Variants in JAM2 observed in about 807,000 individuals in gnomAD.
The protein encoded by JAM2 is junctional adhesion molecule B.
A neutral mutation model predicts 42.0 loss-of-function variants in JAM2; 17 were observed. That is an observed-to-expected ratio of 0.40 (90% confidence interval 0.28 to 0.61). The LOEUF is 0.61. JAM2 is among the 20% of genes least tolerant of loss of function. The probability of loss-of-function intolerance (pLI) is 0.37; values close to 1 mark genes in which losing one functional copy is unlikely to be tolerated. For synonymous variants in JAM2, 118 were observed against 128.6 expected, an observed-to-expected ratio of 0.92 and a Z score of 0.56; for missense variants, 319 against 358.3, an observed-to-expected ratio of 0.89 and a Z score of 0.89.
At chr21:25,646,330 T>A (rs1199479208) in intron 1 of JAM2, among the ~76,000 whole-genome samples, 1 of 152,250 alleles carries the variant, frequency 6.6e-6, no homozygotes, top group Non-Finnish European at 1.5e-5. Context: ...TGTTTTCAAC[T>A]TTCTGTTCAG....
At chr21:25,696,117 A>G (rs1023124526) in intron 4 of JAM2, among the ~76,000 whole-genome samples, 1 of 152,226 alleles carries the variant, frequency 6.6e-6, no homozygotes, top group African/African-American at 2.4e-5. Context: ...TGAGTGAACG[A>G]GACTCCGTCT....
At position 25,698,898 on chromosome 21, in the gene JAM2, T is replaced by C. The variant is rs759084629; in HGVS notation, c.597+19T>C. The C allele has an allele frequency of 8.8e-6, 14 of 1,598,080 alleles. No homozygotes were observed. The highest frequency in any genetic ancestry group is 1.2e-5 in the Non-Finnish European group (14 of 1,165,964). The stretch of plus-strand genomic sequence containing the variant: ...AACTCTGGTAAGGTCATTTCAAGAT[T>C]TGACTTGATAACTGTCTTGCATTTG... On this transcript the variant is annotated intron_variant, in intron 5 of 9. Coordinates refer to ENST00000480456, the MANE Select transcript of JAM2 (RefSeq NM_021219.4).
rs59490509 is a variant in JAM2, at chr21:25,699,722, CAAAAAAAAAAAAA to C, written c.597+864_597+876del. Among the ~76,000 whole-genome samples the C allele has an allele frequency of 2.1e-4, 9 of 41,944 alleles. No homozygotes were observed. In the East Asian group the frequency reaches 5.4e-3, roughly 25 times the overall value. The allele number at this position is 41,944 out of a possible 152,430, so 27.5% of individuals were successfully genotyped here. A position where few individuals can be genotyped will look rare whatever the true frequency, so the allele number is the denominator to read the frequency against. ...TGGGTGACAGAGCCAGGCTCCGTCT[CAAAAAAAAAAAAA>C]AAAAAAAAAAAAAAAAAAAATGCAT... On this transcript the variant is annotated intron_variant, in intron 5 of 9. Transcript: ENST00000480456.
chr21:25,709,454 G>C lies in JAM2; in HGVS notation c.821+5G>C, dbSNP rs568728398. 3 of 1,442,464 alleles carry C rather than the reference G, an allele frequency of 2.1e-6. No homozygotes were observed. Among genetic ancestry groups the C allele is most frequent in the Non-Finnish European group, 2.9e-6 (3 of 1,041,510 alleles). 89.4% of individuals were successfully genotyped at this position (1,442,464 alleles called of 1,614,324 possible). On this transcript the variant is annotated splice_donor_5th_base_variant and intron_variant, in intron 8 of 9. Transcript: ENST00000480456. ...TGTAGAAGAAACCTCCTTCCAGTAA[G>C]TATACTTTCCTACAATGCATGTCTT... is the stretch of plus-strand genomic sequence containing the variant.
Position 25,703,884 on chromosome 21 carries a change from G to C in JAM2, c.697+1615G>C, listed in dbSNP as rs1302636640. 5.3e-5 allele frequency among the ~76,000 whole-genome samples: 8 copies of C among 151,888 alleles called. No individual in the cohort carries two copies. The East Asian group carries it at 1.4e-3, about 26-fold the overall frequency. ...ACAGAAAATGGTGAACAGGATGTAAGAAGTTAACTTACTCCTTATCTATTA... is the reference window on the plus strand; with the variant it reads ...ACAGAAAATGGTGAACAGGATGTAACAAGTTAACTTACTCCTTATCTATTA... On this transcript the variant is annotated intron_variant, in intron 6 of 9. Transcript: ENST00000480456.
At chr21:25,693,727 C>A in intron 3 of JAM2, 29 bp from the exon 4 acceptor site, 1 of 1,587,468 alleles carries the variant, frequency 6.3e-7, no homozygotes, top group Non-Finnish European at 8.6e-7. Flanking sequence ...TGGATTATTA[C>A]TAACATCAAT....
chr21:25,673,751 TC>T (rs1282158748), intron 1 of JAM2, among the ~76,000 whole-genome samples: 1 of 152,174 alleles, frequency 6.6e-6, no homozygotes, highest in Non-Finnish European at 1.5e-5. Context: ...CACTGTGACC[TC>T]CAGCAACTTA....
intron 7 of JAM2, among the ~76,000 whole-genome samples, chr21:25,708,706 T>C (rs1160679541): frequency 6.6e-6 from 1 of 152,162 alleles, no homozygotes; most frequent in Non-Finnish European, 1.5e-5. Flanking sequence ...ACAAATAAGA[T>C]AACTCTTCCA....
intron 6 of JAM2, among the ~76,000 whole-genome samples, chr21:25,705,415 T>C (rs1158601893): frequency 6.6e-6 from 1 of 152,086 alleles, no homozygotes; most frequent in Non-Finnish European, 1.5e-5. Context: ...AATTTTTTTA[T>C]TTTTTAGAGA....
At chr21:25,685,154 T>G (rs578104321) in intron 2 of JAM2, among the ~76,000 whole-genome samples, 176 of 151,212 alleles carry the variant, frequency 1.2e-3, no homozygotes, top group Non-Finnish European at 1.8e-3. Context: ...AGGCCTGGAG[T>G]GGGGGGAATT....
intron 1 of JAM2, among the ~76,000 whole-genome samples, chr21:25,677,893 A>C (rs2033535874): frequency 6.6e-6 from 1 of 152,232 alleles, no homozygotes; most frequent in Non-Finnish European, 1.5e-5. Context: ...TATACTTTGA[A>C]AGTTTCACAG....
chr21:25,663,921 T>C (rs1219973408), intron 1 of JAM2, among the ~76,000 whole-genome samples: 1 of 152,236 alleles, frequency 6.6e-6, no homozygotes, highest in African/African-American at 2.4e-5. Flanking sequence ...CAGTCTCTTG[T>C]ATTCTTTGTT....
intron 1 of JAM2, among the ~76,000 whole-genome samples, chr21:25,660,994 C>G (rs2033073401): frequency 6.6e-6 from 1 of 150,762 alleles, no homozygotes; most frequent in Non-Finnish European, 1.5e-5. Flanking sequence ...AGGAGTTTCA[C>G]CATGTTGGCC....
chr21:25,699,504 C>T (rs1256350559), intron 5 of JAM2, among the ~76,000 whole-genome samples: 2 of 151,912 alleles, frequency 1.3e-5, no homozygotes, highest in South Asian at 2.1e-4. Flanking sequence ...GGGCGGATCA[C>T]GAGGTCAGGA....
At position 25,716,790 on chromosome 21, in the gene JAM2, G is replaced by C. The variant is rs1463002662; in HGVS notation, c.*2118G>C. The C allele has an allele frequency of 6.6e-6, 1 of 152,198 alleles. No individual in the cohort carries two copies. The highest frequency in any genetic ancestry group is 2.4e-5 in the African/African-American group (1 of 41,442). The allele number at this position is 152,198 out of a possible 1,614,324, so 9.4% of individuals were successfully genotyped here. A position where few individuals can be genotyped will look rare whatever the true frequency, so the allele number is the denominator to read the frequency against. On this transcript the variant is annotated 3_prime_UTR_variant, in exon 10 of 10. Coordinates refer to ENST00000480456, the MANE Select transcript of JAM2 (RefSeq NM_021219.4). ...TACAGAAAAAAACACCTGTCTACAA[G>C]CTTTTGTAAGAAATCAGGCTAAATG... is the stretch of plus-strand genomic sequence containing the variant.
intron 1 of JAM2, among the ~76,000 whole-genome samples, chr21:25,641,586 T>C (rs935371678): frequency 8.5e-6 from 1 of 118,208 alleles, no homozygotes; most frequent in Non-Finnish European, 1.9e-5. Context: ...GTTTTCTTTG[T>C]ATGTGGGTGT....
intron 1 of JAM2, among the ~76,000 whole-genome samples, chr21:25,653,223 G>A (rs2032830583): frequency 6.6e-6 from 1 of 152,190 alleles, no homozygotes; most frequent in African/African-American, 2.4e-5. Flanking sequence ...GTTAGGAGTT[G>A]AGGATAATAA....
chr21:25,714,699 G>A lies in JAM2; in HGVS notation c.*27G>A. 1 of 1,439,666 alleles carries A rather than the reference G, an allele frequency of 6.9e-7. No homozygotes were observed. The highest frequency in any genetic ancestry group is 1.4e-5 in the South Asian group (1 of 72,876). The allele number at this position is 1,439,666 out of a possible 1,614,324, so 89.2% of individuals were successfully genotyped here. A position where few individuals can be genotyped will look rare whatever the true frequency, so the allele number is the denominator to read the frequency against. ...GACTCCACTTTAGAGATACACCAAA[G>A]CCACCGTTGTTACACAAGTTATTAA... On this transcript the variant is annotated 3_prime_UTR_variant, in exon 10 of 10. Transcript: ENST00000480456.
At chr21:25,706,466 G>A (rs1171430870) in intron 7 of JAM2, among the ~76,000 whole-genome samples, 1 of 152,164 alleles carries the variant, frequency 6.6e-6, no homozygotes, top group Non-Finnish European at 1.5e-5. Context: ...ACAGGTGTGA[G>A]CTATTGTGCC....
Sources: gnomAD v4.1 joint callset for allele counts (sites outside exome capture counted in the v4.1 genomes callset) on GRCh38, gnomAD v4.1.1 for gene constraint, MANE v1.5 for transcripts, NCBI Gene and HGNC (gene_info 2026-07-23, HGNC 2026-07-21) for gene names.